The following PCDH11Y variants were observed in gnomAD, a reference collection of about 807,000 sequenced individuals.
The protein encoded by PCDH11Y is protocadherin-11 Y-linked.
For synonymous variants in PCDH11Y, 9 were observed against 83.6 expected (o/e 0.11, Z 4.87); for missense variants, 12 against 224.8 (o/e 0.05, Z 6.05).
chrY:5,372,864 CCCTT>C (rs1313714419), intron 2 of PCDH11Y, among the ~76,000 whole-genome samples: 1 of 2,048 alleles, frequency 4.9e-4, no homozygotes, highest in Non-Finnish European at 1.3e-3. Flanking sequence ...TTCCTTCCTT[CCCTT>C]CCTTCCTTCC....
At chrY:5,069,717 C>T in intron 1 of PCDH11Y, among the ~76,000 whole-genome samples, 1 of 31,285 alleles carries the variant, frequency 3.2e-5, no homozygotes, top group South Asian at 7.6e-4. Flanking sequence ...CATGGGGGTT[C>T]ACTCTATTCT....
At chrY:5,116,709 A>G in intron 2 of PCDH11Y, among the ~76,000 whole-genome samples, 1 of 33,110 alleles carries the variant, frequency 3.0e-5, no homozygotes, top group Non-Finnish European at 7.4e-5. Flanking sequence ...AAACAATTAT[A>G]TCTAAAATGA....
intron 4 of PCDH11Y, among the ~76,000 whole-genome samples, chrY:5,634,225 A>T: frequency 3.2e-5 from 1 of 31,502 alleles, no homozygotes; most frequent in Non-Finnish European, 7.7e-5. Flanking sequence ...AAAAAAAAAA[A>T]AAAAGAAAAG....
intron 2 of PCDH11Y, among the ~76,000 whole-genome samples, chrY:5,205,242 T>C (rs2052930192): frequency 3.4e-5 from 1 of 29,461 alleles, no homozygotes; most frequent in Non-Finnish European, 7.9e-5. Flanking sequence ...GTTCTGGGAT[T>C]ACAGGCATGA....
chrY:5,364,911 C>A (rs1602912275), intron 2 of PCDH11Y, among the ~76,000 whole-genome samples: 101 of 32,661 alleles, frequency 3.1e-3, no homozygotes, highest in African/African-American at 0.012. Context: ...GTAATTTAAT[C>A]TCTCTTCAAA....
intron 3 of PCDH11Y, among the ~76,000 whole-genome samples, chrY:5,546,554 G>A (rs2053413209): frequency 3.2e-5 from 1 of 31,210 alleles, no homozygotes; most frequent in South Asian, 7.3e-4. Context: ...CTCACAGTGT[G>A]GATCACTCAC....
At chrY:5,085,343 C>G in intron 1 of PCDH11Y, among the ~76,000 whole-genome samples, 1 of 33,416 alleles carries the variant, frequency 3.0e-5, no homozygotes, top group Admixed American at 2.7e-4. Flanking sequence ...TTTTTGTTGC[C>G]GTACTATGTC....
Position 5,411,860 on chromosome Y carries a change from C to T in PCDH11Y, c.3130-89197C>T, listed in dbSNP as rs201697807. 1.9e-3 allele frequency among the ~76,000 whole-genome samples: 61 copies of T among 32,814 alleles called. No individual in the cohort carries two copies. In the East Asian group the frequency reaches 0.047, roughly 25 times the overall value. 88.0% of individuals were successfully genotyped at this position (32,814 alleles called of 37,273 possible). On this transcript the variant is annotated intron_variant, in intron 2 of 4. Transcript: ENST00000400457. ...GTAGCCTTGTAATATAGTTTGAAGTCGGGTAATGTGATGCATCCAGCTTTT... is the reference window on the plus strand; with the variant it reads ...GTAGCCTTGTAATATAGTTTGAAGTTGGGTAATGTGATGCATCCAGCTTTT...
intron 3 of PCDH11Y, among the ~76,000 whole-genome samples, chrY:5,046,801 A>C: frequency 3.0e-5 from 1 of 33,375 alleles, no homozygotes; most frequent in Admixed American, 2.6e-4. Flanking sequence ...CAGGTGTGGG[A>C]TATAATCTCG....
chrY:5,133,108 T>C, intron 2 of PCDH11Y, among the ~76,000 whole-genome samples: 1 of 33,002 alleles, frequency 3.0e-5, no homozygotes, highest in Non-Finnish European at 7.5e-5. Context: ...CTATACTTTC[T>C]TTCATAAATT....
At chrY:5,038,741 G>T (rs1602842463) in intron 3 of PCDH11Y, among the ~76,000 whole-genome samples, 19 of 22,331 alleles carry the variant, frequency 8.5e-4, no homozygotes, top group African/African-American at 3.2e-3. Context: ...TTCTTCTTGA[G>T]TTAACAAGTT....
At chrY:5,141,387 T>C (rs2052849246) in intron 2 of PCDH11Y, among the ~76,000 whole-genome samples, 1 of 23,470 alleles carries the variant, frequency 4.3e-5, no homozygotes, top group Non-Finnish European at 9.8e-5. Flanking sequence ...GGTCAAATGG[T>C]ATTTCTAGTT....
chrY:5,200,127 AG>A, intron 2 of PCDH11Y, among the ~76,000 whole-genome samples: 1 of 32,255 alleles, frequency 3.1e-5, no homozygotes, highest in Non-Finnish European at 7.5e-5. Flanking sequence ...AGAGACCTCC[AG>A]CTTTTGGAGA....
chrY:5,738,660 T>A (rs2053613794), exon 5 of PCDH11Y: 1 of 32,155 alleles, frequency 3.1e-5, no homozygotes, highest in Non-Finnish European at 7.6e-5. Context: ...GACACAGAAG[T>A]GCAATAACTG....
chrY:5,467,451 TA>T (rs565603885), intron 2 of PCDH11Y, among the ~76,000 whole-genome samples: 25 of 27,463 alleles, frequency 9.1e-4, no homozygotes, highest in Admixed American at 3.7e-3. Context: ...TTGCAAATTC[TA>T]AAAAAAAAAA....
chrY:5,727,162 T>G (rs2053599507), intron 4 of PCDH11Y, among the ~76,000 whole-genome samples: 1 of 33,498 alleles, frequency 3.0e-5, no homozygotes, highest in Admixed American at 2.7e-4. Context: ...TTTAAAATTA[T>G]GTACAAAAAC....
chrY:5,016,698 C>G, intron 1 of PCDH11Y, among the ~76,000 whole-genome samples: 1 of 32,960 alleles, frequency 3.0e-5, no homozygotes, highest in African/African-American at 1.2e-4. Context: ...ACGGAAATAT[C>G]ACTATAATAC....
chrY:5,475,291 A>G, intron 2 of PCDH11Y, among the ~76,000 whole-genome samples: 5 of 33,091 alleles, frequency 1.5e-4, no homozygotes, highest in African/African-American at 4.7e-4. Context: ...ATTGAATATG[A>G]TATTAGCTGC....
rs2124649022 is a variant in PCDH11Y, at chrY:5,195,972, G to T, written c.3129+95265G>T. ...GCATGATAATAAGCTCTAAACCAGG[G>T]AACTATATCAGTTGCATAGACAATG... is the stretch of plus-strand genomic sequence containing the variant. On this transcript the variant is annotated intron_variant, in intron 2 of 4. Coordinates refer to the PCDH11Y transcript ENST00000400457. 2.3e-4 allele frequency among the ~76,000 whole-genome samples: 7 copies of T among 30,003 alleles called. No homozygotes were observed. In the South Asian group the frequency reaches 5.7e-3, roughly 24 times the overall value. The allele number at this position is 30,003 out of a possible 37,273, so 80.5% of individuals were successfully genotyped here. A position where few individuals can be genotyped will look rare whatever the true frequency, so the allele number is the denominator to read the frequency against.
Sources: gnomAD v4.1 joint callset for allele counts (sites outside exome capture counted in the v4.1 genomes callset) on GRCh38, gnomAD v4.1.1 for gene constraint, MANE v1.5 for transcripts, NCBI Gene and HGNC (gene_info 2026-07-23, HGNC 2026-07-21) for gene names.